The following DPP10 variants were observed in gnomAD, a reference collection of about 807,000 sequenced individuals.
DPP10 encodes the protein dipeptidyl peptidase like 10, also known as inactive dipeptidyl peptidase 10.
DPP10 carries 33 observed loss-of-function variants against 120.9 expected under a neutral mutation model. The ratio of observed to expected loss-of-function variants is 0.27; its 90% confidence interval spans 0.21 to 0.37. DPP10 has a LOEUF of 0.37. Among genes scored for constraint, DPP10 ranks in the 10% least tolerant of loss-of-function variants. The probability of loss-of-function intolerance (pLI) is 1.00; values close to 1 mark genes in which losing one functional copy is unlikely to be tolerated. For missense variants in DPP10, 816 were observed against 942.8 expected (o/e 0.87, Z 1.76); for synonymous variants, 337 against 326.1 (o/e 1.03, Z -0.36).
chr2:115,656,013 G>T (rs1216388767), intron 5 of DPP10, among the ~76,000 whole-genome samples: 2 of 151,412 alleles, frequency 1.3e-5, no homozygotes, highest in Non-Finnish European at 3.0e-5. Context: ...TAAAGTTTCT[G>T]TTATGCATAA....
At chr2:115,473,851 A>T (rs2074896443) in intron 3 of DPP10, among the ~76,000 whole-genome samples, 1 of 152,182 alleles carries the variant, frequency 6.6e-6, no homozygotes, top group South Asian at 2.1e-4. Flanking sequence ...CATAGCAATG[A>T]CTGGAGTCTG....
chr2:114,625,171 G>T (rs1383913756), intron 1 of DPP10, among the ~76,000 whole-genome samples: 2 of 151,896 alleles, frequency 1.3e-5, no homozygotes, highest in Non-Finnish European at 2.9e-5. Flanking sequence ...TTCATCTCTT[G>T]TTTCTGTGAA....
chr2:115,052,896 G>A (rs1042088430), intron 1 of DPP10, among the ~76,000 whole-genome samples: 1 of 151,550 alleles, frequency 6.6e-6, no homozygotes, highest in Admixed American at 6.6e-5. Context: ...AGGTTGCAGT[G>A]GGCTGAGATC....
chr2:115,379,344 T>G (rs1283326402), intron 3 of DPP10, among the ~76,000 whole-genome samples: 2 of 152,198 alleles, frequency 1.3e-5, no homozygotes, highest in East Asian at 1.9e-4. Context: ...TTGTGTAGAG[T>G]TGTTTGTAGT....
chr2:115,468,268 A>G, intron 3 of DPP10: 2 of 510,398 alleles, frequency 3.9e-6, no homozygotes, highest in Non-Finnish European at 7.8e-6. Context: ...TTGAAAACTG[A>G]TGTCAGTGTC....
At chr2:115,787,180 G>C (rs1469142630) in intron 17 of DPP10, among the ~76,000 whole-genome samples, 1 of 152,084 alleles carries the variant, frequency 6.6e-6, no homozygotes, top group Non-Finnish European at 1.5e-5. Flanking sequence ...ACAAAACCCA[G>C]GCTTTCAAAA....
At chr2:115,323,679 G>A (rs2062184681) in intron 2 of DPP10, among the ~76,000 whole-genome samples, 1 of 152,172 alleles carries the variant, frequency 6.6e-6, no homozygotes, top group South Asian at 2.1e-4. Context: ...CAGAATGGAT[G>A]TTGTGTTAGC....
intron 1 of DPP10, among the ~76,000 whole-genome samples, chr2:115,104,410 A>G (rs1383537813): frequency 6.6e-6 from 1 of 152,066 alleles, no homozygotes; most frequent in Non-Finnish European, 1.5e-5. Flanking sequence ...ACTTACATCC[A>G]TGAAAATTCT....
chr2:114,466,069 A>G (rs1679342989), intron 1 of DPP10, among the ~76,000 whole-genome samples: 1 of 152,162 alleles, frequency 6.6e-6, no homozygotes, highest in African/African-American at 2.4e-5. Flanking sequence ...AAATAATACT[A>G]TTAGGATGAT....
intron 21 of DPP10, among the ~76,000 whole-genome samples, chr2:115,824,380 T>C (rs988321080): frequency 3.9e-5 from 6 of 152,154 alleles, no homozygotes; most frequent in African/African-American, 1.4e-4. Flanking sequence ...GGTATACATG[T>C]GCCATGGTGG....
chr2:115,305,668 T>A (rs1046639454), intron 1 of DPP10, among the ~76,000 whole-genome samples: 1 of 151,640 alleles, frequency 6.6e-6, no homozygotes, highest in Non-Finnish European at 1.5e-5. Flanking sequence ...AGCCCAGGAG[T>A]TTGAGGTTTC....
At chr2:115,081,864 CAAG>C (rs1485022973) in intron 1 of DPP10, among the ~76,000 whole-genome samples, 1 of 152,194 alleles carries the variant, frequency 6.6e-6, no homozygotes, top group Non-Finnish European at 1.5e-5. Context: ...CTCAGTTTAT[CAAG>C]AAGGAGTCTT....
chr2:114,856,184 A>C (rs1025967347), intron 1 of DPP10, among the ~76,000 whole-genome samples: 8 of 152,196 alleles, frequency 5.3e-5, no homozygotes, highest in Non-Finnish European at 7.3e-5. Context: ...CAGTGTGATA[A>C]AAATTAAAAT....
chr2:115,593,003 A>G (rs1252052202), intron 5 of DPP10, among the ~76,000 whole-genome samples: 1 of 152,200 alleles, frequency 6.6e-6, no homozygotes, highest in East Asian at 1.9e-4. Context: ...ACACATTAAA[A>G]GCCAAGCTGA....
chr2:115,138,595 GA>G (rs2050765836), intron 1 of DPP10, among the ~76,000 whole-genome samples: 1 of 152,074 alleles, frequency 6.6e-6, no homozygotes, highest in African/African-American at 2.4e-5. Flanking sequence ...TACTCATAAA[GA>G]AAATAACTCT....
chr2:115,135,513 C>A (rs1260144142), intron 1 of DPP10, among the ~76,000 whole-genome samples: 2 of 152,084 alleles, frequency 1.3e-5, no homozygotes, highest in African/African-American at 4.8e-5. Flanking sequence ...ATGAGTGCTG[C>A]CCCATGAGAT....
chr2:115,315,835 C>T (rs550120328), intron 2 of DPP10, among the ~76,000 whole-genome samples: 2 of 152,054 alleles, frequency 1.3e-5, no homozygotes, highest in African/African-American at 2.4e-5. Flanking sequence ...AACAGTTTCC[C>T]CCTGGATAAT....
intron 1 of DPP10, among the ~76,000 whole-genome samples, chr2:115,223,122 A>G (rs1036919284): frequency 3.9e-5 from 6 of 152,102 alleles, no homozygotes; most frequent in Non-Finnish European, 8.8e-5. Flanking sequence ...AAGCCAGTGC[A>G]TTATTTTTGG....
intron 3 of DPP10, among the ~76,000 whole-genome samples, chr2:115,413,928 T>A (rs1233153145): frequency 6.6e-6 from 1 of 152,144 alleles, no homozygotes; most frequent in East Asian, 1.9e-4. Context: ...TTTTTTCCAC[T>A]TGGTTTTCTC....
Sources: gnomAD v4.1 joint callset for allele counts (sites outside exome capture counted in the v4.1 genomes callset) on GRCh38, gnomAD v4.1.1 for gene constraint, MANE v1.5 for transcripts, NCBI Gene and HGNC (gene_info 2026-07-23, HGNC 2026-07-21) for gene names.